The following PDGFRL variants were observed in gnomAD, a reference collection of about 807,000 sequenced individuals.
The protein encoded by PDGFRL is platelet-derived growth factor receptor-like protein.
In PDGFRL, 46 loss-of-function variants were observed where a neutral mutation model predicts 37.2. The ratio of observed to expected loss-of-function variants is 1.24; its 90% confidence interval spans 0.98 to 1.58. The LOEUF is 1.58. PDGFRL is among the 40% of genes most tolerant of loss of function. PDGFRL has a pLI of 0.00. For missense variants in PDGFRL, 692 were observed against 467.6 expected, an observed-to-expected ratio of 1.48 and a Z score of -4.43; for synonymous variants, 251 against 184.3, an observed-to-expected ratio of 1.36 and a Z score of -2.93.
chr8:17,633,237 TG>T (rs1804898615), intron 4 of PDGFRL, among the ~76,000 whole-genome samples: 1 of 152,134 alleles, frequency 6.6e-6, no homozygotes, highest in Admixed American at 6.5e-5. Flanking sequence ...CAGATCAGCT[TG>T]GGCAACATAG....
At chr8:17,599,224 T>C (rs979063899) in intron 2 of PDGFRL, among the ~76,000 whole-genome samples, 9 of 152,194 alleles carry the variant, frequency 5.9e-5, no homozygotes, top group Non-Finnish European at 1.0e-4. Context: ...CAGATCCTGG[T>C]GCACCCGTCG....
intron 4 of PDGFRL, among the ~76,000 whole-genome samples, chr8:17,630,536 A>G (rs969203613): frequency 2.0e-5 from 3 of 152,138 alleles, no homozygotes; most frequent in East Asian, 1.9e-4. Context: ...TTCAGTCCCA[A>G]CAATTCATCC....
intron 2 of PDGFRL, among the ~76,000 whole-genome samples, chr8:17,618,071 T>C (rs1003927607): frequency 2.0e-5 from 3 of 152,144 alleles, no homozygotes; most frequent in Admixed American, 1.3e-4. Flanking sequence ...TATTTTTTAT[T>C]TTTTAAGTCA....
intron 2 of PDGFRL, among the ~76,000 whole-genome samples, chr8:17,616,352 G>C (rs545548073): frequency 4.6e-5 from 7 of 152,006 alleles, no homozygotes; most frequent in Admixed American, 1.3e-4. Flanking sequence ...GCACCACCGC[G>C]CCCAGCTAAT....
At chr8:17,583,221 C>G (rs758226332) in intron 1 of PDGFRL, among the ~76,000 whole-genome samples, 5 of 152,088 alleles carry the variant, frequency 3.3e-5, no homozygotes, top group Non-Finnish European at 7.4e-5. Context: ...CACAGAGAGT[C>G]CCTACCAGGG....
At chr8:17,619,664 G>C (rs1273048152) in intron 2 of PDGFRL, among the ~76,000 whole-genome samples, 1 of 152,190 alleles carries the variant, frequency 6.6e-6, no homozygotes, top group East Asian at 1.9e-4. Flanking sequence ...AGTTAATGCA[G>C]AGACTTATCT....
chr8:17,636,915 T>A (rs2129842561), intron 5 of PDGFRL, among the ~76,000 whole-genome samples: 1 of 152,344 alleles, frequency 6.6e-6, no homozygotes, highest in Non-Finnish European at 1.5e-5. Context: ...ATTCTCAGCT[T>A]GGTTGCTGTT....
At chr8:17,596,057 A>G (rs1452067504) in intron 2 of PDGFRL, among the ~76,000 whole-genome samples, 1 of 152,176 alleles carries the variant, frequency 6.6e-6, no homozygotes, top group African/African-American at 2.4e-5. Flanking sequence ...GCCCTGTGGT[A>G]TCACACAGCT....
chr8:17,612,375 CTCTTT>C (rs1563519204), intron 2 of PDGFRL, among the ~76,000 whole-genome samples: 2 of 151,798 alleles, frequency 1.3e-5, no homozygotes, highest in African/African-American at 4.8e-5. Context: ...CTCTTCTCCT[CTCTTT>C]TCTTTTTTTG....
At position 17,577,218 on chromosome 8, in the gene PDGFRL, C is replaced by CGCGCTCCT; in HGVS notation, c.-27_-20dup. The CGCGCTCCT allele has an allele frequency of 1.2e-6, 2 of 1,603,322 alleles. No individual in the cohort carries two copies. The highest frequency in any genetic ancestry group is 1.7e-6 in the Non-Finnish European group (2 of 1,175,166). On this transcript the variant is annotated 5_prime_UTR_variant, in exon 1 of 6. Coordinates refer to ENST00000251630, the MANE Select transcript of PDGFRL (RefSeq NM_001372073.1). ...CTGCGTCCCCGCCCCGCGCAGCCGC[C>CGCGCTCCT]GCGCTCCTGCGCTCCGAGGTCCGAG...
intron 2 of PDGFRL, among the ~76,000 whole-genome samples, chr8:17,618,894 G>C (rs1051053296): frequency 1.6e-5 from 2 of 128,108 alleles, no homozygotes; most frequent in Admixed American, 8.3e-5. Context: ...GGCAAAAGTG[G>C]GGAGATTCCT....
At chr8:17,605,627 A>G (rs1159989481) in intron 2 of PDGFRL, among the ~76,000 whole-genome samples, 1 of 152,184 alleles carries the variant, frequency 6.6e-6, no homozygotes, top group Non-Finnish European at 1.5e-5. Flanking sequence ...TAACCAATCA[A>G]TGCTGGTAGG....
At chr8:17,582,881 T>TG (rs1803737343) in intron 1 of PDGFRL, among the ~76,000 whole-genome samples, 1 of 152,072 alleles carries the variant, frequency 6.6e-6, no homozygotes, top group African/African-American at 2.4e-5. Context: ...AGAATGGTTT[T>TG]GGGGGGCAGG....
chr8:17,594,483 T>G (rs1263236907), intron 2 of PDGFRL, among the ~76,000 whole-genome samples: 1 of 152,142 alleles, frequency 6.6e-6, no homozygotes, highest in African/African-American at 2.4e-5. Flanking sequence ...TCAACTGATC[T>G]GTCTGCCTCA....
At chr8:17,598,098 C>A (rs1381328565) in intron 2 of PDGFRL, among the ~76,000 whole-genome samples, 1 of 152,064 alleles carries the variant, frequency 6.6e-6, no homozygotes, top group Non-Finnish European at 1.5e-5. Context: ...ACAGAGAAAG[C>A]ATTCAATTTA....
At chr8:17,592,555 G>A (rs1222451905) in intron 2 of PDGFRL, among the ~76,000 whole-genome samples, 2 of 152,106 alleles carry the variant, frequency 1.3e-5, no homozygotes, top group African/African-American at 4.8e-5. Flanking sequence ...CTCTAATCTC[G>A]ATCAGACACT....
At chr8:17,597,269 C>G (rs550842853) in intron 2 of PDGFRL, among the ~76,000 whole-genome samples, 2 of 152,344 alleles carry the variant, frequency 1.3e-5, no homozygotes, top group Non-Finnish European at 1.5e-5. Flanking sequence ...GATCCGTCCA[C>G]CTTGGCCTCT....
chr8:17,627,985 C>CTTTTTT lies in PDGFRL; in HGVS notation c.506-499_506-498insTTTTTT, dbSNP rs1236164534. Among the ~76,000 whole-genome samples, 47 of 124,036 alleles carry CTTTTTT rather than the reference C, an allele frequency of 3.8e-4. 1 individual carries two copies. Among genetic ancestry groups the CTTTTTT allele is most frequent in the African/African-American group, 9.8e-4 (29 of 29,526 alleles). The allele number at this position is 124,036 out of a possible 152,430, so 81.4% of individuals were successfully genotyped here. ...TACTGATACCTTTTCTGTTTTCTTT[C>CTTTTTT]TTTCTTTTTTTTTTTTTTTTTTTTT... On this transcript the variant is annotated intron_variant, in intron 3 of 5. Coordinates refer to ENST00000251630, the MANE Select transcript of PDGFRL (RefSeq NM_001372073.1).
At chr8:17,640,299 G>T (rs1319367405) in intron 5 of PDGFRL, among the ~76,000 whole-genome samples, 2 of 152,132 alleles carry the variant, frequency 1.3e-5, no homozygotes, top group African/African-American at 4.8e-5. Flanking sequence ...TTTCTTTTTG[G>T]ATTGGATAAA....
Sources: gnomAD v4.1 joint callset for allele counts (sites outside exome capture counted in the v4.1 genomes callset) on GRCh38, gnomAD v4.1.1 for gene constraint, MANE v1.5 for transcripts, NCBI Gene and HGNC (gene_info 2026-07-23, HGNC 2026-07-21) for gene names.